The following PCDHA12 variants were observed in gnomAD, a reference collection of about 807,000 sequenced individuals.
PCDHA12 encodes protocadherin alpha 12, also known as protocadherin alpha-12.
A neutral mutation model predicts 60.0 loss-of-function variants in PCDHA12; 44 were observed. The observed-to-expected ratio is 0.73, with a 90% CI of 0.58 to 0.94. The LOEUF is 0.94. Ranked by LOEUF, PCDHA12 falls within the 40% of genes least tolerant of loss-of-function variation. The pLI is 0.00. For synonymous variants in PCDHA12, 569 were observed against 553.0 expected (o/e 1.03, Z -0.40); for missense variants, 1,276 against 1,239.7 (o/e 1.03, Z -0.44).
In PCDHA12 at chr5:141,011,117, C is replaced by A. The variant is rs1301385116; in HGVS notation, c.*1180C>A. The A allele has an allele frequency of 1.3e-5, 2 of 153,590 alleles. No homozygotes were observed. The highest frequency in any genetic ancestry group is 2.4e-5 in the African/African-American group (1 of 41,402). The allele number at this position is 153,590 out of a possible 1,614,324, so 9.5% of individuals were successfully genotyped here. The stretch of plus-strand genomic sequence containing the variant: ...CTCTCTCTCTCTCTTTTCTAAGAAA[C>A]AATTATGTGCACTTTGATACACAAC... On this transcript the variant is annotated 3_prime_UTR_variant, in exon 4 of 4. Coordinates refer to ENST00000398631, the MANE Select transcript of PCDHA12 (RefSeq NM_018903.4).
chr5:140,926,125 A>G (rs1584421625), intron 1 of PCDHA12, among the ~76,000 whole-genome samples: 2 of 152,180 alleles, frequency 1.3e-5, no homozygotes, highest in Admixed American at 6.5e-5. Flanking sequence ...ACAGACTTCA[A>G]CCCGCAGCAG....
chr5:140,988,558 T>C lies in PCDHA12; in HGVS notation c.2515+5995T>C, dbSNP rs982984587. ...CCATTCATGACTTTCTTCATCTTCT[T>C]CTTGGGAAAACACTCTGTACCTTCC... On this transcript the variant is annotated intron_variant, in intron 3 of 3. Transcript: ENST00000398631. 3.9e-5 allele frequency among the ~76,000 whole-genome samples: 6 copies of C among 152,198 alleles called. 1 individual carries two copies. Among genetic ancestry groups the C allele is most frequent in the Admixed American group, 3.9e-4 (6 of 15,276 alleles).
chr5:140,969,538 G>A (rs916768919), intron 1 of PCDHA12: 11 of 1,304,024 alleles, frequency 8.4e-6, no homozygotes, highest in African/African-American at 1.5e-5. Flanking sequence ...TTCATTTTCA[G>A]AGGCATGAAG....
At chr5:140,888,749 AC>A (rs1218374821) in intron 1 of PCDHA12, among the ~76,000 whole-genome samples, 1 of 151,232 alleles carries the variant, frequency 6.6e-6, no homozygotes, top group African/African-American at 2.4e-5. Context: ...GAATTATTCT[AC>A]CCACTTTTTT....
intron 3 of PCDHA12, among the ~76,000 whole-genome samples, chr5:141,005,701 C>CAA (rs59860837): frequency 0.061 from 476 of 7,774 alleles, 114 homozygotes; most frequent in African/African-American, 0.16. Flanking sequence ...AACTCCGTCT[C>CAA]AAAAAAAAAA....
At chr5:140,984,464 C>T (rs890686701) in intron 3 of PCDHA12, among the ~76,000 whole-genome samples, 1 of 152,184 alleles carries the variant, frequency 6.6e-6, no homozygotes, top group Non-Finnish European at 1.5e-5. Context: ...GTCCCAGCCC[C>T]TCTTGTATAA....
At chr5:140,912,654 G>T (rs1411811349) in intron 1 of PCDHA12, among the ~76,000 whole-genome samples, 4 of 152,076 alleles carry the variant, frequency 2.6e-5, no homozygotes, top group Non-Finnish European at 5.9e-5. Flanking sequence ...GAATAGAAGT[G>T]GTGAAAATGG....
chr5:140,968,652 ACCTGGACCT>A lies in PCDHA12; in HGVS notation c.2368-10295_2368-10287del, dbSNP rs1332508740. The A allele has an allele frequency of 1.9e-6, 3 of 1,614,000 alleles. No homozygotes were observed. In the African/African-American group the frequency reaches 4.0e-5, roughly 22 times the overall value. On this transcript the variant is annotated intron_variant, in intron 1 of 3. Transcript: ENST00000398631. ...TTTTACCATCTAGCCCAGACTTCTGACCTGGACCTCTTTAAGGTAGAGCTGCACACAGGA... is the reference window on the plus strand; with the variant it reads ...TTTTACCATCTAGCCCAGACTTCTGACTTTAAGGTAGAGCTGCACACAGGA...
At chr5:140,941,202 C>CTTTCTTT (rs1554213921) in intron 1 of PCDHA12, among the ~76,000 whole-genome samples, 7,232 of 122,704 alleles carry the variant, frequency 0.059, 419 homozygotes, top group East Asian at 0.13. Flanking sequence ...TTTCTTTCTT[C>CTTTCTTT]CTTTCTTTCT....
At chr5:141,001,144 C>T (rs1225047253) in intron 3 of PCDHA12, among the ~76,000 whole-genome samples, 3 of 151,960 alleles carry the variant, frequency 2.0e-5, no homozygotes, top group Non-Finnish European at 4.4e-5. Context: ...TCTTCTGTTG[C>T]TCTGATCTTA....
intron 1 of PCDHA12, among the ~76,000 whole-genome samples, chr5:140,878,693 C>T (rs932928385): frequency 6.6e-6 from 1 of 152,136 alleles, no homozygotes; most frequent in South Asian, 2.1e-4. Context: ...TCTTACATAC[C>T]CCAGCCTGGT....
intron 3 of PCDHA12, among the ~76,000 whole-genome samples, chr5:141,000,634 G>A (rs1554257716): frequency 6.6e-6 from 1 of 150,928 alleles, no homozygotes; most frequent in Non-Finnish European, 1.5e-5. Context: ...CACCATGTTG[G>A]GCAGGCTGGT....
intron 1 of PCDHA12, chr5:140,969,181 T>C (rs1554231546): frequency 1.2e-6 from 2 of 1,613,978 alleles, no homozygotes; most frequent in Non-Finnish European, 8.5e-7. Flanking sequence ...GGAGTGACAC[T>C]TTCATGTTTT....
chr5:140,994,417 T>C (rs1401833924), intron 3 of PCDHA12, among the ~76,000 whole-genome samples: 1 of 152,078 alleles, frequency 6.6e-6, no homozygotes, highest in East Asian at 1.9e-4. Context: ...ATACTGGATA[T>C]TGAGGCCGGG....
intron 1 of PCDHA12, chr5:140,928,237 C>T: frequency 6.2e-7 from 1 of 1,614,228 alleles, no homozygotes; most frequent in Non-Finnish European, 8.5e-7. Context: ...TCCTCAACCC[C>T]AGCAGGAACT....
chr5:140,947,756 T>A (rs1354995389), intron 1 of PCDHA12, among the ~76,000 whole-genome samples: 1 of 151,644 alleles, frequency 6.6e-6, no homozygotes, highest in Non-Finnish European at 1.5e-5. Flanking sequence ...TATTTTATGG[T>A]TTAAAAAATT....
chr5:140,924,905 AT>A (rs1216976019), intron 1 of PCDHA12, among the ~76,000 whole-genome samples: 1,708 of 55,768 alleles, frequency 0.031, 41 homozygotes, highest in African/African-American at 0.13. Flanking sequence ...AAAAAAAAAA[AT>A]AAAATAAAAT....
intron 1 of PCDHA12, chr5:140,927,104 C>T (rs1554204027): frequency 6.2e-7 from 1 of 1,613,722 alleles, no homozygotes; most frequent in Admixed American, 1.7e-5. Flanking sequence ...GTGGATCTAC[C>T]CAGCGGCAAT....
intron 1 of PCDHA12, among the ~76,000 whole-genome samples, chr5:140,976,378 C>T (rs908008970): frequency 6.6e-6 from 1 of 151,926 alleles, no homozygotes; most frequent in Admixed American, 6.6e-5. Context: ...TGGTGAAACC[C>T]CATCTCTACT....
Sources: allele counts gnomAD v4.1 joint callset (sites outside exome capture counted in the v4.1 genomes callset), GRCh38; gene constraint gnomAD v4.1.1; transcripts MANE v1.5; gene names NCBI Gene and HGNC (gene_info 2026-07-23, HGNC 2026-07-21).